ME2: variants seen among roughly 807,000 people sequenced by gnomAD.
ME2 encodes the protein NAD-dependent malic enzyme, mitochondrial.
A neutral mutation model predicts 73.7 loss-of-function variants in ME2; 60 were observed. That is an observed-to-expected ratio of 0.81 (90% CI 0.66 to 1.01). The LOEUF (loss-of-function observed/expected upper bound fraction) is 1.01. Among genes scored for constraint, ME2 ranks in the 50% least tolerant of loss-of-function variants. The pLI, the probability that ME2 is intolerant of heterozygous loss-of-function variation, is 0.00. For missense variants in ME2, 594 were observed against 705.5 expected (o/e 0.84, Z 1.79); for synonymous variants, 199 against 236.9 (o/e 0.84, Z 1.47).
chr18:50,922,236 G>T (rs1365987765), intron 10 of ME2, among the ~76,000 whole-genome samples: 8 of 152,198 alleles, frequency 5.3e-5, no homozygotes, highest in Non-Finnish European at 1.2e-4. Context: ...TTATATACCA[G>T]ACATTGTTAT....
At chr18:50,896,755 G>A (rs1916756487) in intron 2 of ME2, among the ~76,000 whole-genome samples, 1 of 152,110 alleles carries the variant, frequency 6.6e-6, no homozygotes, top group African/African-American at 2.4e-5. Context: ...CCACTATCAG[G>A]GAAAATAGTT....
At chr18:50,885,480 TG>T (rs1916439735) in intron 1 of ME2, among the ~76,000 whole-genome samples, 2 of 151,986 alleles carry the variant, frequency 1.3e-5, no homozygotes, top group Admixed American at 1.3e-4. Context: ...ATTATACAAC[TG>T]TATTCCAGCC....
intron 4 of ME2, 35 bp downstream of exon 4, chr18:50,912,985 T>C (rs1917194155): frequency 6.5e-7 from 1 of 1,532,498 alleles, no homozygotes; most frequent in Admixed American, 2.2e-5. Context: ...TGTAAATGAT[T>C]ATTGAATAAG....
chr18:50,925,628 A>G, intron 11 of ME2, 128 bp from the exon 12 acceptor site: 2 of 700,246 alleles, frequency 2.9e-6, no homozygotes, highest in Non-Finnish European at 4.8e-6. Flanking sequence ...TTGCTGAGAT[A>G]GTGCTATCTT....
chr18:50,912,521 C>T (rs1400131142), intron 3 of ME2, among the ~76,000 whole-genome samples: 4 of 152,136 alleles, frequency 2.6e-5, no homozygotes, highest in Admixed American at 2.6e-4. Flanking sequence ...ATTTCCAGTG[C>T]CTTCTACAGA....
At chr18:50,903,539 C>T (rs1455016409) in intron 2 of ME2, among the ~76,000 whole-genome samples, 2 of 152,082 alleles carry the variant, frequency 1.3e-5, no homozygotes, top group Non-Finnish European at 2.9e-5. Flanking sequence ...CAGCCTCGAC[C>T]TTCCAGGCTT....
At chr18:50,916,478 C>G (rs1052238571) in intron 5 of ME2, 1 of 363,678 alleles carries the variant, frequency 2.7e-6, no homozygotes, top group Admixed American at 4.6e-5. Context: ...TGAGCCCTCT[C>G]GGTATCAGCA....
Position 50,927,721 on chromosome 18 carries a change from C to CATATATATATATAT in ME2, c.1314+1841_1314+1854dup, listed in dbSNP as rs368161371. Among the ~76,000 whole-genome samples the CATATATATATATAT allele has an allele frequency of 6.1e-3, 517 of 85,332 alleles. 2 individuals are homozygous for CATATATATATATAT. Among genetic ancestry groups the CATATATATATATAT allele is most frequent in the South Asian group, 9.2e-3 (16 of 1,740 alleles). 56.0% of individuals were successfully genotyped at this position (85,332 alleles called of 152,430 possible). ...CATCTCAAAAAAAACCCCAAAAAAC[C>CATATATATATATAT]ATATATATATATATATATATATATA... On this transcript the variant is annotated intron_variant, in intron 12 of 15. Coordinates refer to ENST00000321341, the MANE Select transcript of ME2 (RefSeq NM_002396.5).
intron 1 of ME2, among the ~76,000 whole-genome samples, chr18:50,891,840 G>T (rs1192024912): frequency 7.3e-5 from 11 of 150,712 alleles, no homozygotes; most frequent in Non-Finnish European, 8.9e-5. Context: ...TTGAGATGGG[G>T]TCTCACTCTG....
At chr18:50,888,876 A>AT (rs200412899) in intron 1 of ME2, among the ~76,000 whole-genome samples, 4 of 151,864 alleles carry the variant, frequency 2.6e-5, no homozygotes, top group Non-Finnish European at 4.4e-5. Flanking sequence ...TTTAAAAAAA[A>AT]TTTTTTTTAA....
At chr18:50,943,132 G>T (rs1918002444) in intron 15 of ME2, among the ~76,000 whole-genome samples, 1 of 151,404 alleles carries the variant, frequency 6.6e-6, no homozygotes, top group Non-Finnish European at 1.5e-5. Context: ...GCTAGCTTTT[G>T]ATTGAAATAA....
At chr18:50,925,985 G>A in intron 12 of ME2, 87 bp downstream of exon 12, 1 of 969,630 alleles carries the variant, frequency 1.0e-6, no homozygotes, top group Non-Finnish European at 1.6e-6. Flanking sequence ...TGTTCTAATG[G>A]TTTCCCTAGA....
chr18:50,886,637 A>G (rs1195109504), intron 1 of ME2, among the ~76,000 whole-genome samples: 1 of 152,164 alleles, frequency 6.6e-6, no homozygotes, highest in African/African-American at 2.4e-5. Flanking sequence ...CTGGTAATAG[A>G]ACATTAAGAG....
intron 4 of ME2, 87 bp from the exon 5 acceptor site, chr18:50,916,081 A>C: frequency 2.2e-6 from 2 of 914,644 alleles, no homozygotes; most frequent in Non-Finnish European, 3.4e-6. Context: ...TTGATATTTT[A>C]TTAAAATATC....
chr18:50,930,075 C>T (rs544391842), intron 12 of ME2, among the ~76,000 whole-genome samples: 3 of 152,026 alleles, frequency 2.0e-5, no homozygotes, highest in East Asian at 1.9e-4. Flanking sequence ...GCCTAGGCAA[C>T]GTAGCGAAAC....
intron 13 of ME2, among the ~76,000 whole-genome samples, chr18:50,937,605 G>A (rs959498563): frequency 2.6e-5 from 4 of 152,008 alleles, no homozygotes; most frequent in African/African-American, 9.7e-5. Flanking sequence ...CAAGGATAAT[G>A]GGAAGAGAAG....
chr18:50,924,733 G>A (rs1917506028), intron 11 of ME2, among the ~76,000 whole-genome samples: 1 of 150,262 alleles, frequency 6.7e-6, no homozygotes, highest in South Asian at 2.1e-4. Flanking sequence ...GTCTCACTCT[G>A]TCACTCAAGC....
chr18:50,902,822 G>C (rs920506436), intron 2 of ME2, among the ~76,000 whole-genome samples: 2 of 152,122 alleles, frequency 1.3e-5, no homozygotes, highest in Non-Finnish European at 2.9e-5. Flanking sequence ...TCTCTAAAAT[G>C]TTTGATAAGC....
chr18:50,913,860 T>TATACACACACACACACACACACAC lies in ME2; in HGVS notation c.392+911_392+912insTACACACACACACACACACACACA, dbSNP rs112137080. Among the ~76,000 whole-genome samples, 613 of 143,262 alleles carry TATACACACACACACACACACACAC rather than the reference T, an allele frequency of 4.3e-3. 13 individuals are homozygous for TATACACACACACACACACACACAC. The highest frequency in any genetic ancestry group is 6.4e-3 in the Non-Finnish European group (421 of 65,988). 94.0% of individuals were successfully genotyped at this position (143,262 alleles called of 152,430 possible). ...CTTTGGAAAATTATCAGCAATATTA[T>TATACACACACACACACACACACAC]ACACACACACACACACACACACACA... On this transcript the variant is annotated intron_variant, in intron 4 of 15. Transcript: ENST00000321341.
Sources: gnomAD v4.1 joint callset for allele counts (sites outside exome capture counted in the v4.1 genomes callset) on GRCh38, gnomAD v4.1.1 for gene constraint, MANE v1.5 for transcripts, NCBI Gene and HGNC (gene_info 2026-07-23, HGNC 2026-07-21) for gene names.